The following HPD variants were observed in gnomAD, a reference collection of about 807,000 sequenced individuals.
HPD encodes the protein 4-hydroxyphenylpyruvate dioxygenase.
HPD carries 35 observed loss-of-function variants against 56.9 expected under a neutral mutation model. The observed-to-expected ratio is 0.62, with a 90% confidence interval of 0.47 to 0.82. The LOEUF (loss-of-function observed/expected upper bound fraction) is 0.82. Ranked by LOEUF, HPD falls within the 40% of genes least tolerant of loss-of-function variation. The probability of loss-of-function intolerance (pLI) is 0.00; values close to 1 mark genes in which losing one functional copy is unlikely to be tolerated. For missense variants in HPD, 442 were observed against 506.8 expected (o/e 0.87, Z 1.23); for synonymous variants, 186 against 200.2 (o/e 0.93, Z 0.60).
At chr12:121,857,092 T>G (rs1592923692) in intron 4 of HPD, 4 of 536,864 alleles carry the variant, frequency 7.5e-6, no homozygotes, top group East Asian at 3.3e-5. Context: ...TTTGTTTTTT[T>G]TTGTTGAGAT....
chr12:121,868,065 T>G (rs966011560), upstream of HPD, among the ~76,000 whole-genome samples: 9 of 152,280 alleles, frequency 5.9e-5, no homozygotes, highest in African/African-American at 2.2e-4. Flanking sequence ...GGCTCATGCT[T>G]ATAATGCCAG....
the HPD span, among the ~76,000 whole-genome samples, chr12:121,870,898 T>C: frequency 6.6e-6 from 1 of 151,884 alleles, no homozygotes; most frequent in African/African-American, 2.4e-5. Context: ...ACCCGGCCTA[T>C]TGAAGGTTTT....
the HPD span, among the ~76,000 whole-genome samples, chr12:121,883,564 T>C: frequency 6.6e-6 from 1 of 152,178 alleles, no homozygotes; most frequent in South Asian, 2.1e-4. Flanking sequence ...AACAGCTCTC[T>C]TTTCAGACCG....
upstream of HPD, among the ~76,000 whole-genome samples, chr12:121,866,027 G>A (rs955347609): frequency 2.0e-5 from 3 of 151,886 alleles, no homozygotes; most frequent in East Asian, 1.9e-4. Context: ...GTGGGGCGCC[G>A]TGGCTCACGC....
chr12:121,876,076 C>G, the HPD span, among the ~76,000 whole-genome samples: 209 of 152,226 alleles, frequency 1.4e-3, no homozygotes, highest in African/African-American at 4.6e-3. Flanking sequence ...CTGGGAAGGC[C>G]GAGGTGGGAG....
chr12:121,849,137 A>G, intron 8 of HPD, 61 bp from the exon 9 acceptor site: 2 of 963,208 alleles, frequency 2.1e-6, no homozygotes, highest in South Asian at 2.6e-5. Context: ...TCCCTTCTCC[A>G]TGACCCCTCA....
chr12:121,857,544 C>T, intron 3 of HPD, 112 bp from the exon 4 acceptor site: 2 of 910,050 alleles, frequency 2.2e-6, no homozygotes, highest in East Asian at 5.0e-5. Context: ...GCCTCAGGGG[C>T]AGAGACCCTC....
At chr12:121,856,497 G>A (rs1468205035) in intron 5 of HPD, 86 bp downstream of exon 5, 9 of 1,592,058 alleles carry the variant, frequency 5.7e-6, no homozygotes, top group African/African-American at 4.0e-5. Context: ...TGAACCCAGA[G>A]CCCACCCACG....
chr12:121,857,601 T>C, intron 3 of HPD, 156 bp downstream of exon 3: 2 of 832,442 alleles, frequency 2.4e-6, no homozygotes, highest in Admixed American at 2.0e-5. Context: ...CAGATAACTT[T>C]CCCGCTGGTG....
At chr12:121,873,048 C>G in the HPD span, among the ~76,000 whole-genome samples, 1 of 152,170 alleles carries the variant, frequency 6.6e-6, no homozygotes, top group African/African-American at 2.4e-5. Flanking sequence ...TATTCACTGT[C>G]AAGCACCGAG....
At chr12:121,857,927 G>A in intron 2 of HPD, 108 bp from the exon 3 acceptor site, 1 of 835,246 alleles carries the variant, frequency 1.2e-6, no homozygotes. Context: ...CTCAACCACA[G>A]AACTTAGGAG....
chr12:121,841,584 G>A (rs1877408731), intron 12 of HPD, among the ~76,000 whole-genome samples: 1 of 152,066 alleles, frequency 6.6e-6, no homozygotes, highest in Non-Finnish European at 1.5e-5. Context: ...ATATTTTTCA[G>A]CCACAAAAAG....
chr12:121,862,576 CGTGAG>C (rs2137640136), upstream of HPD, among the ~76,000 whole-genome samples: 5 of 119,976 alleles, frequency 4.2e-5, no homozygotes, highest in African/African-American at 1.6e-4. Flanking sequence ...GGATTACAGG[CGTGAG>C]CCACCGCTCT....
chr12:121,883,684 T>TTC, the HPD span, among the ~76,000 whole-genome samples: 51 of 146,670 alleles, frequency 3.5e-4, no homozygotes, highest in Admixed American at 2.8e-3. Context: ...CCTTCTTTCT[T>TTC]TTTTTTTTTT....
chr12:121,861,833 T>C (rs1314980968), upstream of HPD, among the ~76,000 whole-genome samples: 1 of 152,158 alleles, frequency 6.6e-6, no homozygotes, highest in Non-Finnish European at 1.5e-5. Flanking sequence ...AAACAGTCTC[T>C]TGGCTTAGCT....
intron 7 of HPD, among the ~76,000 whole-genome samples, chr12:121,854,499 G>A (rs1257163434): frequency 1.3e-5 from 2 of 152,158 alleles, no homozygotes; most frequent in Non-Finnish European, 2.9e-5. Flanking sequence ...CTCCCGCACT[G>A]GGAGGAAGGG....
At chr12:121,878,187 A>T in the HPD span, among the ~76,000 whole-genome samples, 1 of 152,066 alleles carries the variant, frequency 6.6e-6, no homozygotes, top group Admixed American at 6.6e-5. Flanking sequence ...CAATAAATTG[A>T]ATTGGTTTTA....
intron 9 of HPD, among the ~76,000 whole-genome samples, chr12:121,848,246 A>C (rs1414318902): frequency 2.0e-5 from 3 of 152,108 alleles, no homozygotes; most frequent in African/African-American, 4.8e-5. Context: ...TAAATGCATC[A>C]GTGGCCTCAG....
At chr12:121,879,482 G>GTTCTGTTCTGTTCTCTTCTC in the HPD span, among the ~76,000 whole-genome samples, 4 of 147,892 alleles carry the variant, frequency 2.7e-5, no homozygotes, top group African/African-American at 1.0e-4. Flanking sequence ...TTTCTCTTCT[G>GTTCTGTTCTGTTCTCTTCTC]TTCTCTTCTC....
Sources: allele counts gnomAD v4.1 joint callset (sites outside exome capture counted in the v4.1 genomes callset), GRCh38; gene constraint gnomAD v4.1.1; transcripts MANE v1.5; gene names NCBI Gene and HGNC (gene_info 2026-07-23, HGNC 2026-07-21).